Variants in SAMD3 observed in about 807,000 individuals in gnomAD.
SAMD3 encodes the protein sterile alpha motif domain containing 3.
SAMD3 carries 63 observed loss-of-function variants against 58.5 expected under a neutral mutation model. The observed-to-expected ratio is 1.08, with a 90% CI of 0.88 to 1.33. The LOEUF (loss-of-function observed/expected upper bound fraction) is 1.33. Ranked by LOEUF, SAMD3 falls within the 40% of genes most tolerant of loss-of-function variation. The probability of loss-of-function intolerance (pLI) is 0.00; values close to 1 mark genes in which losing one functional copy is unlikely to be tolerated. For synonymous variants in SAMD3, 220 were observed against 210.3 expected, an observed-to-expected ratio of 1.05 and a Z score of -0.40; for missense variants, 604 against 608.4, an observed-to-expected ratio of 0.99 and a Z score of 0.08.
intron 5 of SAMD3, 106 bp downstream of exon 5, chr6:130,209,388 CA>C: frequency 9.2e-6 from 5 of 541,824 alleles, no homozygotes; most frequent in Non-Finnish European, 1.3e-5. Flanking sequence ...TCCAGGAAAA[CA>C]AAAAGTTTCA....
At chr6:130,220,087 CA>C (rs1262090397) in intron 1 of SAMD3, among the ~76,000 whole-genome samples, 1 of 152,168 alleles carries the variant, frequency 6.6e-6, no homozygotes, top group Non-Finnish European at 1.5e-5. Flanking sequence ...TTGCAACCTC[CA>C]CCTCCCGGAT....
chr6:130,329,706 A>C (rs1012495075), intron 1 of SAMD3, among the ~76,000 whole-genome samples: 3 of 152,216 alleles, frequency 2.0e-5, no homozygotes, highest in African/African-American at 7.2e-5. Flanking sequence ...AAAATGTGGC[A>C]CATATATGTC....
intron 2 of SAMD3, among the ~76,000 whole-genome samples, chr6:130,302,417 G>T (rs1018352837): frequency 2.6e-5 from 4 of 152,096 alleles, no homozygotes; most frequent in African/African-American, 9.7e-5. Context: ...TTATTAAAAA[G>T]TCAAAAATAA....
intron 8 of SAMD3, among the ~76,000 whole-genome samples, chr6:130,174,830 T>C (rs773805215): frequency 6.6e-6 from 1 of 152,214 alleles, no homozygotes; most frequent in African/African-American, 2.4e-5. Context: ...TCACTGAAAA[T>C]TAGAATAAGA....
intron 8 of SAMD3, among the ~76,000 whole-genome samples, chr6:130,169,387 G>A (rs1189492063): frequency 1.3e-5 from 2 of 152,046 alleles, no homozygotes; most frequent in African/African-American, 2.4e-5. Context: ...GAGCATAAAC[G>A]GAGAGGCTAT....
At chr6:130,149,741 C>T (rs1490158891) in intron 9 of SAMD3, among the ~76,000 whole-genome samples, 5 of 152,090 alleles carry the variant, frequency 3.3e-5, no homozygotes, top group Non-Finnish European at 7.4e-5. Context: ...AGGTGAGGAT[C>T]GAAAAACTAC....
At chr6:130,227,831 C>T (rs1015004799), upstream of SAMD3, among the ~76,000 whole-genome samples, 8 of 151,346 alleles carry the variant, frequency 5.3e-5, no homozygotes, top group Non-Finnish European at 1.2e-4. Flanking sequence ...AATCATTCGA[C>T]GTCCTCTGAT....
At chr6:130,143,539 C>T (rs904815569), downstream of SAMD3, among the ~76,000 whole-genome samples, 4 of 152,108 alleles carry the variant, frequency 2.6e-5, no homozygotes, top group East Asian at 1.9e-4. Flanking sequence ...CCACCGTGCC[C>T]GGCCCACATG....
At chr6:130,349,256 C>T (rs1206764925) in intron 1 of SAMD3, among the ~76,000 whole-genome samples, 4 of 151,906 alleles carry the variant, frequency 2.6e-5, no homozygotes, top group Admixed American at 1.3e-4. Context: ...AATAGAGACA[C>T]AAAAAACCCT....
At chr6:130,358,235 G>A (rs184927609) in intron 1 of SAMD3, among the ~76,000 whole-genome samples, 5 of 152,162 alleles carry the variant, frequency 3.3e-5, no homozygotes, top group East Asian at 1.9e-4. Context: ...ATTCTTTCAC[G>A]TATCTAAAAG....
chr6:130,176,269 T>G lies in SAMD3; in HGVS notation c.655-261A>C, dbSNP rs903426820. 24 of 462,350 alleles carry G rather than the reference T, an allele frequency of 5.2e-5. No homozygotes were observed. The Admixed American group carries it at 8.6e-4, about 16-fold the overall frequency. The allele number at this position is 462,350 out of a possible 1,614,324, so 28.6% of individuals were successfully genotyped here. On this transcript the variant is annotated intron_variant, in intron 7 of 11. Coordinates refer to ENST00000439090, the MANE Select transcript of SAMD3 (RefSeq NM_001017373.4). ...TAAATCTTTTCCCAATGTCATATGG[T>G]TATTGAGTAAATATATTGGTTCTTG...
At chr6:130,229,983 TAAAAC>T (rs1384338804) in intron 2 of SAMD3, among the ~76,000 whole-genome samples, 8 of 152,226 alleles carry the variant, frequency 5.3e-5, no homozygotes, top group Non-Finnish European at 5.9e-5. Context: ...TCATAATTCA[TAAAAC>T]AATTACCTGC....
chr6:130,301,497 C>A (rs1448036932), intron 2 of SAMD3, among the ~76,000 whole-genome samples: 1 of 152,136 alleles, frequency 6.6e-6, no homozygotes, highest in Non-Finnish European at 1.5e-5. Flanking sequence ...ATTAAAATGA[C>A]CATACTGCCC....
downstream of SAMD3, chr6:130,143,892 T>C (rs1788394157): frequency 1.3e-5 from 2 of 152,394 alleles, no homozygotes; most frequent in Non-Finnish European, 2.9e-5. Flanking sequence ...AGTCACTGTG[T>C]TTCCAAGGCG....
intron 1 of SAMD3, among the ~76,000 whole-genome samples, chr6:130,346,298 G>C (rs896004310): frequency 2.6e-5 from 4 of 152,188 alleles, no homozygotes; most frequent in Non-Finnish European, 5.9e-5. Flanking sequence ...GAAGTGCAAG[G>C]GGTCAGGGAA....
At chr6:130,291,278 T>A (rs545075342) in intron 2 of SAMD3, among the ~76,000 whole-genome samples, 23 of 152,274 alleles carry the variant, frequency 1.5e-4, no homozygotes, top group Middle Eastern at 6.8e-3. Context: ...TTTGTTTTTG[T>A]ATTTTTAGTA....
intron 2 of SAMD3, among the ~76,000 whole-genome samples, chr6:130,311,076 G>A (rs1305178031): frequency 6.6e-6 from 1 of 152,122 alleles, no homozygotes; most frequent in African/African-American, 2.4e-5. Context: ...CCAGGGCCCT[G>A]ACAAAGAACC....
intron 2 of SAMD3, among the ~76,000 whole-genome samples, chr6:130,244,449 C>T (rs566235811): frequency 2.5e-4 from 38 of 152,154 alleles, no homozygotes; most frequent in Middle Eastern, 3.4e-3. Flanking sequence ...TACAAAATAG[C>T]GCAGTAGGGC....
At chr6:130,343,955 ACT>A in intron 1 of SAMD3, among the ~76,000 whole-genome samples, 1 of 139,404 alleles carries the variant, frequency 7.2e-6, no homozygotes, top group African/African-American at 3.0e-5. Flanking sequence ...ACAAAGTGAG[ACT>A]CTGTCTTAAA....
Sources: gnomAD v4.1 joint callset for allele counts (sites outside exome capture counted in the v4.1 genomes callset) on GRCh38, gnomAD v4.1.1 for gene constraint, MANE v1.5 for transcripts, NCBI Gene and HGNC (gene_info 2026-07-23, HGNC 2026-07-21) for gene names.